Variants in KLHL41 observed in about 807,000 individuals in gnomAD.
KLHL41 encodes kelch-like protein 41.
A neutral mutation model predicts 49.2 loss-of-function variants in KLHL41; 31 were observed. The ratio of observed to expected loss-of-function variants is 0.63; its 90% confidence interval spans 0.47 to 0.85. The LOEUF is 0.85. Among genes scored for constraint, KLHL41 ranks in the 40% least tolerant of loss-of-function variants. The probability of loss-of-function intolerance (pLI) is 0.00; values close to 1 mark genes in which losing one functional copy is unlikely to be tolerated. For missense variants in KLHL41, 663 were observed against 726.7 expected (o/e 0.91, Z 1.01); for synonymous variants, 218 against 258.5 (o/e 0.84, Z 1.50).
At chr2:169,517,848 G>A (rs1684139446) in intron 3 of KLHL41, among the ~76,000 whole-genome samples, 1 of 152,092 alleles carries the variant, frequency 6.6e-6, no homozygotes, top group African/African-American at 2.4e-5. Flanking sequence ...CTTACCATTT[G>A]TTATTGAGGT....
Position 169,510,432 on chromosome 2 carries a change from G to A in KLHL41, c.654G>A (p.Val218=). 1 of 1,614,098 alleles carries A rather than the reference G, an allele frequency of 6.2e-7. No homozygotes were observed. Among genetic ancestry groups the A allele is most frequent in the South Asian group, 1.1e-5 (1 of 91,080 alleles). Residue 218 remains valine (V), a synonymous_variant, in exon 1 of 6, where the codon GTG becomes GTA. Coordinates refer to ENST00000284669, the MANE Select transcript of KLHL41 (RefSeq NM_006063.3). The surrounding 1 kb of genome is among the most constrained non-coding windows in gnomAD (Gnocchi z 4.2). ...KENRVKNLSE[V]FDCIRFRLMT... ...ACAGGGTTAAAAACCTTAGTGAAGTGTTTGATTGTATCCGTTTTCGCCTTA... is the reference window on the plus strand; with the variant it reads ...ACAGGGTTAAAAACCTTAGTGAAGTATTTGATTGTATCCGTTTTCGCCTTA...
At chr2:169,511,234 G>A (rs1416824056) in intron 1 of KLHL41, among the ~76,000 whole-genome samples, 1 of 152,108 alleles carries the variant, frequency 6.6e-6, no homozygotes, top group African/African-American at 2.4e-5. Context: ...TTTCTTAGCA[G>A]AGATGGGCTC....
At chr2:169,525,167 T>A (rs1684282502) in intron 5 of KLHL41, among the ~76,000 whole-genome samples, 1 of 152,194 alleles carries the variant, frequency 6.6e-6, no homozygotes, top group South Asian at 2.1e-4. Flanking sequence ...GGCACTAGTG[T>A]ATAGGAACAA....
At chr2:169,521,550 G>C (rs959643321) in intron 5 of KLHL41, among the ~76,000 whole-genome samples, 7 of 151,682 alleles carry the variant, frequency 4.6e-5, no homozygotes, top group African/African-American at 1.7e-4. Context: ...TATCCACCAC[G>C]CCCAGCTAAT....
intron 5 of KLHL41, among the ~76,000 whole-genome samples, chr2:169,522,664 G>C (rs1684219861): frequency 6.7e-6 from 1 of 149,230 alleles, no homozygotes; most frequent in African/African-American, 2.5e-5. Flanking sequence ...AATTTCTGGA[G>C]GTAGAGTTGA....
chr2:169,524,386 C>T (rs1404524080), intron 5 of KLHL41, among the ~76,000 whole-genome samples: 3 of 148,428 alleles, frequency 2.0e-5, no homozygotes, highest in Admixed American at 2.0e-4. Context: ...TATTTTAAAT[C>T]TCCATTCATC....
rs77956533 is a variant in KLHL41, at chr2:169,524,777, G to A, written c.1710-808G>A. On this transcript the variant is annotated intron_variant, in intron 5 of 5. Coordinates refer to ENST00000284669, the MANE Select transcript of KLHL41 (RefSeq NM_006063.3). ...ATTATTTGTCCTCAGATGCCTTTGA[G>A]GCTTGAGGACATTGATATGGGGGGG... 1.1e-4 allele frequency among the ~76,000 whole-genome samples: 16 copies of A among 151,370 alleles called. No homozygotes were observed. In the East Asian group the frequency reaches 2.9e-3, roughly 28 times the overall value.
At chr2:169,518,711 G>T (rs1251822060) in intron 4 of KLHL41, among the ~76,000 whole-genome samples, 1 of 152,130 alleles carries the variant, frequency 6.6e-6, no homozygotes, top group African/African-American at 2.4e-5. Context: ...ACAAGGTCTG[G>T]CTCTGTCACC....
rs778040771 is a variant in KLHL41 at position 169,509,901 on chromosome 2, CAA to C, written c.126_127del (p.Leu44SerfsTer11). The C allele has an allele frequency of 1.6e-5, 26 of 1,614,040 alleles. No homozygotes were observed. The highest frequency in any genetic ancestry group is 1.8e-5 in the Non-Finnish European group (21 of 1,180,034). ...TCGATTGCACCCTAAAAGCAGGTGA[CAA>C]AAGTCTTCCTTGCCACAGATTGATT... ...FIDCTLKAGD[K>X]SLPCHRLILS... On this transcript the variant is annotated frameshift_variant, in exon 1 of 6. Transcript: ENST00000284669. LOFTEE classifies it high-confidence loss of function.
chr2:169,512,906 C>T (rs1311671947), intron 1 of KLHL41, among the ~76,000 whole-genome samples: 1 of 151,794 alleles, frequency 6.6e-6, no homozygotes, highest in Non-Finnish European at 1.5e-5. Context: ...AGGATTTTTT[C>T]CCCCACTCAT....
At chr2:169,524,383 A>T (rs1056996607) in intron 5 of KLHL41, among the ~76,000 whole-genome samples, 1 of 151,852 alleles carries the variant, frequency 6.6e-6, no homozygotes, top group Admixed American at 6.6e-5. Context: ...AATTATTTTA[A>T]ATCTCCATTC....
At chr2:169,514,477 G>A (rs769028649) in intron 1 of KLHL41, 97 bp from the exon 2 acceptor site, 39 of 917,466 alleles carry the variant, frequency 4.3e-5, no homozygotes, top group Middle Eastern at 6.6e-4. Flanking sequence ...TGACTATCTC[G>A]ATGACTTCTA....
At position 169,510,745 on chromosome 2, in the gene KLHL41, G is replaced by A; in HGVS notation, c.967G>A (p.Glu323Lys). The change falls in exon 1 of 6, where the codon GAA becomes AAA. Residue 323 changes from glutamate to lysine, a missense_variant. Physicochemically the swap from Glu to Lys is moderately conservative, Grantham distance 56. This residue lies in a region of KLHL41 where 528 missense variants were observed against 581.0 expected (regional missense o/e 0.91). Coordinates refer to ENST00000284669, the MANE Select transcript of KLHL41 (RefSeq NM_006063.3). This position sits in a 1 kb window ranked among gnomAD's most constrained non-coding sequence, Gnocchi z 4.2. ...AGTGGCTTATGACCCCACGGAAAATGAATGCTACCTTACTGCACTGGCTGA... is the reference window on the plus strand; with the variant it reads ...AGTGGCTTATGACCCCACGGAAAATAAATGCTACCTTACTGCACTGGCTGA... Reference protein sequence around the residue: ...AAVAYDPTENECYLTALAEQI... With the variant: ...AAVAYDPTENKCYLTALAEQI... 6.2e-7 allele frequency: 1 copy of A among 1,614,170 alleles called. No individual in the cohort carries two copies. Among genetic ancestry groups the A allele is most frequent in the Non-Finnish European group, 8.5e-7 (1 of 1,180,030 alleles).
chr2:169,519,332 T>C (rs1684164114), intron 4 of KLHL41, among the ~76,000 whole-genome samples: 1 of 152,180 alleles, frequency 6.6e-6, no homozygotes, highest in Admixed American at 6.5e-5. Context: ...GAAACATGTA[T>C]GCCTGACTAC....
At chr2:169,525,494 GT>G (rs1291115275) in intron 5 of KLHL41, 90 bp from the exon 6 acceptor site, 1 of 774,660 alleles carries the variant, frequency 1.3e-6, no homozygotes, top group Non-Finnish European at 2.2e-6. Flanking sequence ...AGCCACTAGG[GT>G]TTTTTCAAAG....
At chr2:169,511,657 C>T (rs1684031135) in intron 1 of KLHL41, among the ~76,000 whole-genome samples, 1 of 152,098 alleles carries the variant, frequency 6.6e-6, no homozygotes, top group South Asian at 2.1e-4. Flanking sequence ...ATATATTCCA[C>T]ACACTTTGGA....
At chr2:169,519,830 G>A (rs946157742) in intron 4 of KLHL41, among the ~76,000 whole-genome samples, 3 of 151,740 alleles carry the variant, frequency 2.0e-5, no homozygotes, top group Non-Finnish European at 2.9e-5. Context: ...CTTACCTCAG[G>A]TGATCCACCC....
chr2:169,523,821 T>C (rs1245444956), intron 5 of KLHL41, among the ~76,000 whole-genome samples: 2 of 152,136 alleles, frequency 1.3e-5, no homozygotes, highest in African/African-American at 2.4e-5. Flanking sequence ...CTGGGGGTGA[T>C]AGGGCCAGCG....
chr2:169,515,080 C>T, intron 3 of KLHL41, 119 bp downstream of exon 3: 1 of 623,896 alleles, frequency 1.6e-6, no homozygotes. Context: ...GTTGCCCAGG[C>T]TGGAGTGCAG....
Sources: gnomAD v4.1 joint callset for allele counts (sites outside exome capture counted in the v4.1 genomes callset) on GRCh38, gnomAD v4.1.1 for gene constraint, gnomAD v4.1.1 regional missense constraint, Gnocchi (gnomAD v3.1) non-coding constraint, MANE v1.5 for transcripts, NCBI Gene and HGNC (gene_info 2026-07-23, HGNC 2026-07-21) for gene names.